Variants in ABCA12 observed in about 807,000 individuals in gnomAD.
ABCA12 encodes the protein glucosylceramide transporter ABCA12.
ABCA12 carries 156 observed loss-of-function variants against 293.5 expected under a neutral mutation model. The observed-to-expected ratio is 0.53, with a 90% CI of 0.47 to 0.61. The LOEUF (loss-of-function observed/expected upper bound fraction) is 0.61. Ranked by LOEUF, ABCA12 falls within the 20% of genes least tolerant of loss-of-function variation. The pLI is 0.00. For synonymous variants in ABCA12, 1,063 were observed against 1,108.0 expected, an observed-to-expected ratio of 0.96 and a Z score of 0.81; for missense variants, 2,797 against 3,090.2, an observed-to-expected ratio of 0.91 and a Z score of 2.25.
rs756306097 is a variant in ABCA12 at position 214,986,525 on chromosome 2, T to A, written c.4163+17A>T. ...TAACATGCTTCCATGGCAATAAATG[T>A]CAAAAAGTTAACATACATGGTAGTA... On this transcript the variant is annotated intron_variant, in intron 28 of 52. Coordinates refer to ENST00000272895, the MANE Select transcript of ABCA12 (RefSeq NM_173076.3). 3.1e-6 allele frequency: 5 copies of A among 1,612,502 alleles called. No individual in the cohort carries two copies. The highest frequency in any genetic ancestry group is 8.5e-7 in the Non-Finnish European group (1 of 1,178,712).
chr2:215,013,165 G>A (rs530695578), intron 15 of ABCA12: 1 of 152,282 alleles, frequency 6.6e-6, no homozygotes, highest in African/African-American at 2.4e-5. Context: ...GATCTATTAG[G>A]AGGAACAGAT....
chr2:215,097,651 C>A (rs1702273972), intron 2 of ABCA12, among the ~76,000 whole-genome samples: 1 of 152,144 alleles, frequency 6.6e-6, no homozygotes, highest in Admixed American at 6.5e-5. Flanking sequence ...TGTTCATTTG[C>A]TTTCAGTTGT....
In ABCA12 at chr2:214,958,291, A is replaced by C. The variant is rs1436843983; in HGVS notation, c.6103T>G (p.Phe2035Val). The C allele has an allele frequency of 6.2e-7, 1 of 1,614,004 alleles. No homozygotes were observed. Among genetic ancestry groups the C allele is most frequent in the Non-Finnish European group, 8.5e-7 (1 of 1,179,862 alleles). ...IGVTCYWVTNFIYDMVFYLVP... is the reference protein window; with the variant it reads ...IGVTCYWVTNVIYDMVFYLVP... ...AAGTTACTCACCATGTCATAAATGA[A>C]GTTTGTTACCCAGTAGCATGTCACG... Residue 2035 changes from phenylalanine (F) to valine (V), a missense_variant, in exon 41 of 53, where the codon TTC becomes GTC. Phe to Val is a conservative substitution (Grantham distance 50, BLOSUM62 -1). Transcript: ENST00000272895.
At chr2:215,022,661 A>G (rs1386795174) in intron 11 of ABCA12, 2 of 152,198 alleles carry the variant, frequency 1.3e-5, no homozygotes, top group East Asian at 3.9e-4. Flanking sequence ...GACTAATGCC[A>G]TTTCCAGCTG....
Position 214,937,555 on chromosome 2 carries a change from G to T in ABCA12, c.7497C>A (p.Thr2499=). ...AGTGCAGCTGCATGAACTTTGTGAGGGTCTCCATGGTCACTTTGTTATTCT... is the reference window on the plus strand; with the variant it reads ...AGTGCAGCTGCATGAACTTTGTGAGTGTCTCCATGGTCACTTTGTTATTCT... ...HLKNNKVTME[T]LTKFMQLHFP... The change falls in exon 51 of 53, where the codon ACC becomes ACA. Residue 2499 remains threonine (T), a synonymous_variant. Coordinates refer to ENST00000272895, the MANE Select transcript of ABCA12 (RefSeq NM_173076.3). 2 of 1,613,840 alleles carry T rather than the reference G, an allele frequency of 1.2e-6. No individual in the cohort carries two copies. The highest frequency in any genetic ancestry group is 1.7e-6 in the Non-Finnish European group (2 of 1,179,878).
chr2:215,060,014 C>T (rs1291635238), intron 3 of ABCA12, among the ~76,000 whole-genome samples: 1 of 152,040 alleles, frequency 6.6e-6, no homozygotes, highest in Admixed American at 6.6e-5. Flanking sequence ...AAATAACTCT[C>T]CTGGCATCTG....
rs142196906 is a variant in ABCA12 at position 215,000,939 on chromosome 2, T to A, written c.2945A>T (p.Lys982Ile). Residue 982 changes from lysine to isoleucine, a missense_variant, in exon 22 of 53, where the codon AAA becomes ATA. Transcript: ENST00000272895. ...CTTGAGACTCATCCGGATGGTATAT[T>A]TTATGACAGGAGGAAGAAAGACATT... ...SGNVFLPPVI[K>I]YTIRMSLKTA... is the part of the protein sequence containing the mutation. The A allele has an allele frequency of 1.9e-6, 3 of 1,614,024 alleles. No individual in the cohort carries two copies. Among genetic ancestry groups the A allele is most frequent in the Non-Finnish European group, 2.5e-6 (3 of 1,179,966 alleles).
chr2:215,082,201 T>A (rs2948971), intron 2 of ABCA12, among the ~76,000 whole-genome samples: 149,273 of 151,728 alleles, frequency 0.98, 73,465 homozygotes, highest in East Asian at 1. Context: ...CCCGCCACCG[T>A]GCCCAGCTAA....
rs1436742532 is a variant in ABCA12 at position 214,955,472 on chromosome 2, A to C, written c.6234-111T>G. On this transcript the variant is annotated intron_variant, in intron 42 of 52. Transcript: ENST00000272895. ...TGAGGCAGGTGGATCACTTGAGCCC[A>C]GGAGTTTGAGACCAGCCTGAGCAAC... is the stretch of plus-strand genomic sequence containing the variant. 7 of 1,089,310 alleles carry C rather than the reference A, an allele frequency of 6.4e-6. No individual in the cohort carries two copies. In the Admixed American group the frequency reaches 1.4e-4, roughly 21 times the overall value. 67.5% of individuals were successfully genotyped at this position (1,089,310 alleles called of 1,614,324 possible).
In ABCA12 at chr2:214,989,436, G is replaced by A; in HGVS notation, c.3722C>T (p.Ser1241Phe). 6.2e-7 allele frequency: 1 copy of A among 1,613,526 alleles called. No individual in the cohort carries two copies. The highest frequency in any genetic ancestry group is 8.5e-7 in the Non-Finnish European group (1 of 1,179,902). Residue 1241 changes from serine (S) to phenylalanine (F), a missense_variant, in exon 26 of 53, where the codon TCC becomes TTC. Transcript: ENST00000272895. ...TGAGGTGGTGTCATCCTGAACCGGGGAGGTGTACATATTTTCCCACTGAAG... is the reference window on the plus strand; with the variant it reads ...TGAGGTGGTGTCATCCTGAACCGGGAAGGTGTACATATTTTCCCACTGAAG... Reference protein sequence around the residue: ...IGLQWENMYTSPVQDDTTSFG... With the variant: ...IGLQWENMYTFPVQDDTTSFG...
intron 39 of ABCA12, 92 bp from the exon 40 acceptor site, chr2:214,959,170 A>T: frequency 1.8e-6 from 2 of 1,113,292 alleles, no homozygotes; most frequent in Non-Finnish European, 2.7e-6. Context: ...TTTCCTCCTT[A>T]TATTATTATC....
chr2:214,985,318 CA>C (rs1699761620), intron 28 of ABCA12, among the ~76,000 whole-genome samples: 1 of 152,054 alleles, frequency 6.6e-6, no homozygotes, highest in African/African-American at 2.4e-5. Context: ...AAACCAAATA[CA>C]AATATGTTCT....
chr2:215,094,101 C>A (rs1344988424), intron 2 of ABCA12, among the ~76,000 whole-genome samples: 1 of 152,220 alleles, frequency 6.6e-6, no homozygotes, highest in African/African-American at 2.4e-5. Flanking sequence ...CTCACTCTTT[C>A]AGAAGGACTG....
Position 214,947,573 on chromosome 2 carries a change from G to A in ABCA12, c.7105-17C>T, listed in dbSNP as rs2274412. 722,049 of 1,612,098 alleles carry A rather than the reference G, an allele frequency of 0.45. 165,955 individuals are homozygous for A. The highest frequency in any genetic ancestry group is 0.72 in the African/African-American group (53,778 of 74,844). On this transcript the variant is annotated splice_polypyrimidine_tract_variant and intron_variant, in intron 47 of 52. Transcript: ENST00000272895. ...ATGAACAGTCTGTAGGCAATAAAAG[G>A]GGAGTTAGGTTGACCTTCCTGTGCC... is the stretch of plus-strand genomic sequence containing the variant.
chr2:215,016,440 G>A lies in ABCA12; in HGVS notation c.1783-777C>T, dbSNP rs554939158. On this transcript the variant is annotated intron_variant, in intron 14 of 52. Coordinates refer to ENST00000272895, the MANE Select transcript of ABCA12 (RefSeq NM_173076.3). ...CTACTAAAAATACAAAAAATTAGCC[G>A]GGCGTGGTGGCGGGTGCCTGTAGTC... Among the ~76,000 whole-genome samples the A allele has an allele frequency of 2.5e-3, 373 of 150,784 alleles. 2 individuals are homozygous for A. The highest frequency in any genetic ancestry group is 7.9e-3 in the African/African-American group (327 of 41,150).
chr2:214,968,710 C>G lies in ABCA12; in HGVS notation c.5778+10G>C, dbSNP rs146231974. ...TTGTATAACATTCCAGAAAAAAGAT[C>G]AAAATTTACCTTGGCAAGTGTTCTA... On this transcript the variant is annotated intron_variant, in intron 38 of 52. Coordinates refer to ENST00000272895, the MANE Select transcript of ABCA12 (RefSeq NM_173076.3). 1 of 1,612,298 alleles carries G rather than the reference C, an allele frequency of 6.2e-7. No homozygotes were observed. Among genetic ancestry groups the G allele is most frequent in the East Asian group, 2.2e-5 (1 of 44,830 alleles).
chr2:215,045,809 A>G (rs1380334586), intron 7 of ABCA12, 28 bp downstream of exon 7: 1 of 1,597,370 alleles, frequency 6.3e-7, no homozygotes, highest in Non-Finnish European at 8.6e-7. Context: ...GAACACTAAT[A>G]TTACATTTAA....
chr2:215,050,579 C>T (rs1015590992), intron 5 of ABCA12, among the ~76,000 whole-genome samples: 1 of 152,010 alleles, frequency 6.6e-6, no homozygotes, highest in Non-Finnish European at 1.5e-5. Flanking sequence ...CTTAAGGGGT[C>T]CATCTTAATA....
chr2:215,001,874 T>C, intron 20 of ABCA12, 137 bp from the exon 21 acceptor site: 1 of 791,800 alleles, frequency 1.3e-6, no homozygotes, highest in Non-Finnish European at 2.0e-6. Context: ...TCTAAAAATA[T>C]CTAGTATTCT....
Sources: allele counts gnomAD v4.1 joint callset (sites outside exome capture counted in the v4.1 genomes callset), GRCh38; gene constraint gnomAD v4.1.1; transcripts MANE v1.5; gene names NCBI Gene and HGNC (gene_info 2026-07-23, HGNC 2026-07-21).